KIAA1328: variants seen among roughly 807,000 people sequenced by gnomAD.
The protein encoded by KIAA1328 is protein hinderin.
A neutral mutation model predicts 68.1 loss-of-function variants in KIAA1328; 52 were observed. The ratio of observed to expected loss-of-function variants is 0.76; its 90% CI spans 0.61 to 0.96. The LOEUF (loss-of-function observed/expected upper bound fraction) is 0.96. Among genes scored for constraint, KIAA1328 ranks in the 40% least tolerant of loss-of-function variants. KIAA1328 has a pLI of 0.00. For missense variants in KIAA1328, 641 were observed against 677.6 expected (o/e 0.95, Z 0.60); for synonymous variants, 232 against 239.4 (o/e 0.97, Z 0.28).
At chr18:37,059,228 G>C (rs2056051022) in intron 6 of KIAA1328, among the ~76,000 whole-genome samples, 1 of 151,922 alleles carries the variant, frequency 6.6e-6, no homozygotes, top group South Asian at 2.1e-4. Context: ...TACATAGTAA[G>C]CTCTGAGTTA....
At chr18:37,013,946 A>G (rs1423412521) in intron 6 of KIAA1328, among the ~76,000 whole-genome samples, 2 of 152,232 alleles carry the variant, frequency 1.3e-5, no homozygotes, top group Non-Finnish European at 2.9e-5. Flanking sequence ...GGCTGAGCTA[A>G]TTTACATTCA....
intron 7 of KIAA1328, among the ~76,000 whole-genome samples, chr18:37,118,387 C>G (rs1343106333): frequency 6.6e-6 from 1 of 152,104 alleles, no homozygotes; most frequent in Non-Finnish European, 1.5e-5. Context: ...TGTAGTGACC[C>G]AAACCTTTAT....
intron 7 of KIAA1328, among the ~76,000 whole-genome samples, chr18:37,092,501 C>T (rs2057294639): frequency 6.6e-6 from 1 of 152,010 alleles, no homozygotes; most frequent in African/African-American, 2.4e-5. Flanking sequence ...ACCCCACCTG[C>T]CACGACTGAT....
chr18:37,072,084 T>C (rs1486717693), intron 7 of KIAA1328, among the ~76,000 whole-genome samples: 1 of 152,202 alleles, frequency 6.6e-6, no homozygotes, highest in Non-Finnish European at 1.5e-5. Flanking sequence ...AAATCTATTA[T>C]ATTTATCTGT....
At chr18:37,014,449 C>A (rs2054080774) in intron 6 of KIAA1328, among the ~76,000 whole-genome samples, 1 of 152,122 alleles carries the variant, frequency 6.6e-6, no homozygotes, top group Non-Finnish European at 1.5e-5. Context: ...AGGTTTTCTT[C>A]TAGGATTCTG....
At chr18:36,891,056 C>T (rs557321730) in intron 5 of KIAA1328, among the ~76,000 whole-genome samples, 4 of 152,042 alleles carry the variant, frequency 2.6e-5, no homozygotes, top group Non-Finnish European at 5.9e-5. Context: ...CAATTACATT[C>T]GAAAATTAAG....
chr18:36,880,570 A>G (rs1200507202), intron 4 of KIAA1328, among the ~76,000 whole-genome samples: 2 of 152,094 alleles, frequency 1.3e-5, no homozygotes. Context: ...TTCTTGTGTT[A>G]TTGCACTGGC....
chr18:37,209,920 A>T (rs756948110), intron 9 of KIAA1328, among the ~76,000 whole-genome samples: 1 of 152,232 alleles, frequency 6.6e-6, no homozygotes, highest in South Asian at 2.1e-4. Flanking sequence ...ATTAAATCCC[A>T]TGAGAATGGA....
Position 36,942,569 on chromosome 18 carries a change from T to C in KIAA1328, c.449-16739T>C, listed in dbSNP as rs561682302. 4.6e-5 allele frequency among the ~76,000 whole-genome samples: 7 copies of C among 152,334 alleles called. No individual in the cohort carries two copies. The East Asian group carries it at 1.4e-3, about 29-fold the overall frequency. On this transcript the variant is annotated intron_variant, in intron 5 of 9. Coordinates refer to ENST00000280020, the MANE Select transcript of KIAA1328 (RefSeq NM_020776.3). Reference sequence around the variant, plus strand: ...ATAGTTACAGTTATAAGCAATTTGGTAGAAAAAGACAGCTAAATTGTGCAG... The same window carrying C: ...ATAGTTACAGTTATAAGCAATTTGGCAGAAAAAGACAGCTAAATTGTGCAG...
intron 5 of KIAA1328, among the ~76,000 whole-genome samples, chr18:36,904,110 C>T (rs549038847): frequency 3.5e-4 from 53 of 152,134 alleles, no homozygotes; most frequent in African/African-American, 1.3e-3. Context: ...AAATTTGTAG[C>T]TTTGGATGAT....
chr18:37,228,818 T>C (rs1205242707), downstream of KIAA1328, among the ~76,000 whole-genome samples: 2 of 146,258 alleles, frequency 1.4e-5, no homozygotes, highest in African/African-American at 5.1e-5. Context: ...AGATTCCATC[T>C]CAGAAAAAAA....
At chr18:36,879,983 T>A (rs2048275801) in intron 4 of KIAA1328, among the ~76,000 whole-genome samples, 2 of 152,234 alleles carry the variant, frequency 1.3e-5, no homozygotes, top group African/African-American at 4.8e-5. Flanking sequence ...GTGTGGGATC[T>A]GCTGAGCAAG....
At chr18:36,977,821 T>C (rs2052530132) in intron 6 of KIAA1328, among the ~76,000 whole-genome samples, 1 of 152,052 alleles carries the variant, frequency 6.6e-6, no homozygotes, top group South Asian at 2.1e-4. Context: ...TCTCACTCTG[T>C]CCCCCAGGCT....
At chr18:37,020,103 A>G (rs2054289996) in intron 6 of KIAA1328, among the ~76,000 whole-genome samples, 1 of 152,126 alleles carries the variant, frequency 6.6e-6, no homozygotes, top group Non-Finnish European at 1.5e-5. Flanking sequence ...CACAGCTAGC[A>G]GGTGAAACAT....
chr18:37,165,716 C>T (rs904105629), intron 8 of KIAA1328, among the ~76,000 whole-genome samples: 92 of 151,468 alleles, frequency 6.1e-4, no homozygotes, highest in African/African-American at 2.2e-3. Flanking sequence ...CTCAGGGTCC[C>T]GAGTAGCTGG....
At chr18:37,066,434 C>A (rs2056339796) in intron 6 of KIAA1328, among the ~76,000 whole-genome samples, 1 of 152,200 alleles carries the variant, frequency 6.6e-6, no homozygotes, top group South Asian at 2.1e-4. Flanking sequence ...AAATCACATT[C>A]TATTCAGTAT....
intron 4 of KIAA1328, among the ~76,000 whole-genome samples, chr18:36,850,144 C>T (rs1052374650): frequency 2.0e-5 from 3 of 150,996 alleles, no homozygotes; most frequent in African/African-American, 7.3e-5. Flanking sequence ...CCATTCTGTG[C>T]GTTGTTTTTT....
chr18:37,202,530 A>G (rs1384625965), intron 9 of KIAA1328, among the ~76,000 whole-genome samples: 1 of 152,170 alleles, frequency 6.6e-6, no homozygotes, highest in Non-Finnish European at 1.5e-5. Flanking sequence ...CTAACTGTAA[A>G]CCACTTTTTG....
intron 9 of KIAA1328, among the ~76,000 whole-genome samples, chr18:37,191,535 G>T (rs1009500826): frequency 6.6e-6 from 1 of 152,136 alleles, no homozygotes; most frequent in Admixed American, 6.5e-5. Flanking sequence ...ATCATGGCTT[G>T]CATTCATAGT....
Sources: gnomAD v4.1 joint callset for allele counts (sites outside exome capture counted in the v4.1 genomes callset) on GRCh38, gnomAD v4.1.1 for gene constraint, MANE v1.5 for transcripts, NCBI Gene and HGNC (gene_info 2026-07-23, HGNC 2026-07-21) for gene names.